The following DOCK4 variants were observed in gnomAD, a reference collection of about 807,000 sequenced individuals.
DOCK4 encodes dedicator of cytokinesis 4.
DOCK4 carries 97 observed loss-of-function variants against 268.1 expected under a neutral mutation model. The observed-to-expected ratio is 0.36, with a 90% confidence interval of 0.31 to 0.43. The LOEUF (loss-of-function observed/expected upper bound fraction) is 0.43. Ranked by LOEUF, DOCK4 falls within the 20% of genes least tolerant of loss-of-function variation. The pLI is 1.00. For synonymous variants in DOCK4, 954 were observed against 887.2 expected (o/e 1.08, Z -1.34); for missense variants, 2,145 against 2,455.7 (o/e 0.87, Z 2.67).
intron 11 of DOCK4, 90 bp from the exon 12 acceptor site, chr7:111,935,718 C>A: frequency 8.8e-7 from 1 of 1,133,368 alleles, no homozygotes; most frequent in South Asian, 1.4e-5. Context: ...TCGTTATAAC[C>A]ACTATAATGT....
At chr7:112,057,679 T>C (rs1452589205) in intron 1 of DOCK4, among the ~76,000 whole-genome samples, 3 of 151,854 alleles carry the variant, frequency 2.0e-5, no homozygotes, top group Non-Finnish European at 4.4e-5. Flanking sequence ...GGAAGCTGAG[T>C]TGGGAAGATC....
chr7:112,122,068 T>C (rs1158148420), intron 1 of DOCK4, among the ~76,000 whole-genome samples: 1 of 152,244 alleles, frequency 6.6e-6, no homozygotes, highest in Non-Finnish European at 1.5e-5. Context: ...CTTTGTCTGA[T>C]ATTAACATTG....
intron 1 of DOCK4, among the ~76,000 whole-genome samples, chr7:112,018,092 G>C (rs1209262883): frequency 7.4e-6 from 1 of 135,252 alleles, no homozygotes; most frequent in East Asian, 2.3e-4. Context: ...AGGAGGCTGA[G>C]GCAGGAGAAT....
In DOCK4 at chr7:111,767,034, G is replaced by T. The variant is rs373495697; in HGVS notation, c.3913C>A (p.Arg1305=). The T allele has an allele frequency of 8.2e-5, 133 of 1,612,464 alleles. No individual in the cohort carries two copies. Among genetic ancestry groups the T allele is most frequent in the Non-Finnish European group, 1.1e-4 (128 of 1,178,856 alleles). ...CAGGATGCATCCAGGCACCTTACCC[G>T]CATCTTGCTCAGGTTTCTGTAGTCA... The part of the protein sequence containing the change: ...YYDYRNLSKM[R]MMEASLYDKI... Residue 1305 remains arginine (R), a splice_region_variant and synonymous_variant, in exon 38 of 53, where the codon CGG becomes AGG. Transcript: ENST00000428084.
intron 47 of DOCK4, chr7:111,740,120 G>C (rs1452386719): frequency 4.5e-6 from 2 of 444,430 alleles, no homozygotes; most frequent in African/African-American, 4.1e-5. Context: ...TTTTCTTTGA[G>C]ACACAGTCTC....
At chr7:112,081,460 A>C (rs1055033648) in intron 1 of DOCK4, among the ~76,000 whole-genome samples, 1 of 152,278 alleles carries the variant, frequency 6.6e-6, no homozygotes, top group Non-Finnish European at 1.5e-5. Context: ...TGACACGAAA[A>C]GTGCAGATGA....
intron 44 of DOCK4, among the ~76,000 whole-genome samples, chr7:111,745,787 T>G (rs1796224062): frequency 6.6e-6 from 1 of 151,898 alleles, no homozygotes; most frequent in Admixed American, 6.6e-5. Flanking sequence ...TGAAGTTGTT[T>G]GTTTCACAGG....
intron 1 of DOCK4, among the ~76,000 whole-genome samples, chr7:112,165,523 CGTGTGTGTGTGTGTGT>C (rs112020512): frequency 1.1e-4 from 14 of 126,580 alleles, no homozygotes; most frequent in African/African-American, 2.0e-4. Context: ...GAATAGTATA[CGTGTGTGTGTGTGTGT>C]GTGTGTGTGT....
rs574921800 is a variant in DOCK4 at position 111,886,695 on chromosome 7, T to G, written c.1587+8917A>C. Among the ~76,000 whole-genome samples the G allele has an allele frequency of 1.2e-4, 18 of 152,276 alleles. 2 individuals are homozygous for G. The highest frequency in any genetic ancestry group is 3.9e-4 in the African/African-American group (16 of 41,548). Reference sequence around the variant, plus strand: ...TATGAGACTATGGGGACACGACCATTCAACGCAATGTGGGATCTTGGAATG... The same window carrying G: ...TATGAGACTATGGGGACACGACCATGCAACGCAATGTGGGATCTTGGAATG... On this transcript the variant is annotated intron_variant, in intron 16 of 52. Coordinates refer to ENST00000428084, the MANE Select transcript of DOCK4 (RefSeq NM_001363540.2).
intron 26 of DOCK4, among the ~76,000 whole-genome samples, chr7:111,823,944 G>A (rs749923843): frequency 2.6e-5 from 4 of 151,996 alleles, no homozygotes; most frequent in African/African-American, 9.7e-5. Context: ...TTTTATATAC[G>A]CTAACAACTT....
chr7:112,148,734 G>A (rs1174168776), intron 1 of DOCK4, among the ~76,000 whole-genome samples: 2 of 152,078 alleles, frequency 1.3e-5, no homozygotes, highest in African/African-American at 4.8e-5. Flanking sequence ...TTCTAGCGAT[G>A]GGCTTTTTGG....
chr7:111,815,589 G>GATTTATTT (rs200633762), intron 27 of DOCK4, among the ~76,000 whole-genome samples: 9,133 of 150,422 alleles, frequency 0.061, 993 homozygotes, highest in African/African-American at 0.22. Context: ...CCAAATTACT[G>GATTTATTT]ATTTATTTAT....
intron 1 of DOCK4, among the ~76,000 whole-genome samples, chr7:112,097,340 G>A (rs895900199): frequency 9.2e-5 from 14 of 152,156 alleles, no homozygotes; most frequent in Admixed American, 4.6e-4. Context: ...TTGGGAGGCC[G>A]TGGTGGGAAG....
chr7:112,145,009 A>G (rs779274220), intron 1 of DOCK4, among the ~76,000 whole-genome samples: 5 of 152,084 alleles, frequency 3.3e-5, no homozygotes, highest in Non-Finnish European at 5.9e-5. Context: ...AAATGCAGAA[A>G]TTTTCCGGTG....
intron 1 of DOCK4, among the ~76,000 whole-genome samples, chr7:112,086,494 A>C (rs1454739854): frequency 6.6e-6 from 1 of 152,122 alleles, no homozygotes; most frequent in Non-Finnish European, 1.5e-5. Context: ...TAACTCAATA[A>C]ATACTTATTA....
At chr7:112,187,305 A>T (rs756720173) in intron 1 of DOCK4, among the ~76,000 whole-genome samples, 5 of 152,208 alleles carry the variant, frequency 3.3e-5, no homozygotes, top group Non-Finnish European at 7.4e-5. Context: ...ATAAAACTTC[A>T]GAGTCCAGTC....
intron 1 of DOCK4, among the ~76,000 whole-genome samples, chr7:112,192,243 A>G (rs1426684508): frequency 6.6e-6 from 1 of 151,412 alleles, no homozygotes; most frequent in Non-Finnish European, 1.5e-5. Flanking sequence ...GATACTTAAC[A>G]TCGGTCAGGT....
chr7:112,162,148 C>T (rs978088516), intron 1 of DOCK4, among the ~76,000 whole-genome samples: 1 of 152,120 alleles, frequency 6.6e-6, no homozygotes, highest in African/African-American at 2.4e-5. Flanking sequence ...TTCCAAATAG[C>T]GTGAAGCCTC....
chr7:112,079,946 T>C (rs1323149045), intron 1 of DOCK4, among the ~76,000 whole-genome samples: 3 of 152,206 alleles, frequency 2.0e-5, no homozygotes, highest in Non-Finnish European at 4.4e-5. Flanking sequence ...TAAATCTTAC[T>C]TTCCTATTTC....
Sources: allele counts gnomAD v4.1 joint callset (sites outside exome capture counted in the v4.1 genomes callset), GRCh38; gene constraint gnomAD v4.1.1; transcripts MANE v1.5; gene names NCBI Gene and HGNC (gene_info 2026-07-23, HGNC 2026-07-21).